IGSF10: variants seen among roughly 807,000 people sequenced by gnomAD.
IGSF10 encodes calvaria mechanical force protein 608.
A neutral mutation model predicts 128.2 loss-of-function variants in IGSF10; 126 were observed. The ratio of observed to expected loss-of-function variants is 0.98; its 90% CI spans 0.85 to 1.14. The LOEUF is 1.14. Among genes scored for constraint, IGSF10 ranks in the 50% most tolerant of loss-of-function variants. The pLI, the probability that IGSF10 is intolerant of heterozygous loss-of-function variation, is 0.00. For missense variants in IGSF10, 3,295 were observed against 3,149.8 expected (o/e 1.05, Z -1.10); for synonymous variants, 1,185 against 1,146.2 (o/e 1.03, Z -0.68).
the IGSF10 span, among the ~76,000 whole-genome samples, chr3:151,590,104 T>G: frequency 6.6e-6 from 1 of 152,090 alleles, no homozygotes; most frequent in African/African-American, 2.4e-5. Flanking sequence ...AGTGGTGCAG[T>G]CATGGCTCAC....
At position 151,448,753 on chromosome 3, in the gene IGSF10, TA is replaced by T. The variant is rs1291277869; in HGVS notation, c.1227del (p.Lys410SerfsTer9). The T allele has an allele frequency of 3.1e-6, 5 of 1,613,724 alleles. No homozygotes were observed. The highest frequency in any genetic ancestry group is 4.2e-6 in the Non-Finnish European group (5 of 1,179,610). ...ATGTTGGTAAAAATGTCTTCAGGCT[TA>T]GGAGCCACCTGTTTATATTTGTAAT... ...QLYYKYKQVA[P>X]KPEDIFTNIE... On this transcript the variant is annotated frameshift_variant, in exon 6 of 8. Transcript: ENST00000282466. LOFTEE classifies it high-confidence loss of function.
the IGSF10 span, among the ~76,000 whole-genome samples, chr3:151,486,983 T>A: frequency 6.6e-6 from 1 of 150,532 alleles, no homozygotes; most frequent in Non-Finnish European, 1.5e-5. Context: ...ATAACTAAGA[T>A]CCGAGCAGAA....
At chr3:151,432,728 G>A, downstream of IGSF10, 1 of 1,597,624 alleles carries the variant, frequency 6.3e-7, no homozygotes, top group Non-Finnish European at 8.6e-7. Flanking sequence ...CTGTAATTTT[G>A]GTTCAATTTA....
rs1553828031 is a variant in IGSF10, at chr3:151,437,372, T to TAA, written c.7187_7188dup (p.Ile2397LeufsTer28). ...TCCTCCCGAGTTGTTTTAGAAATGATAAAAGAACCATTGCTTGCTATCAGA... is the reference window on the plus strand; with the variant it reads ...TCCTCCCGAGTTGTTTTAGAAATGATAAAAAAGAACCATTGCTTGCTATCAGA... On this transcript the variant is annotated frameshift_variant, in exon 8 of 8. Transcript: ENST00000282466. LOFTEE classifies it low-confidence loss of function (END_TRUNC). 6.2e-7 allele frequency: 1 copy of TAA among 1,614,198 alleles called. No individual in the cohort carries two copies. The highest frequency in any genetic ancestry group is 2.2e-5 in the East Asian group (1 of 44,874).
intron 5 of IGSF10, among the ~76,000 whole-genome samples, chr3:151,451,752 T>C (rs1445273383): frequency 6.6e-6 from 1 of 152,218 alleles, no homozygotes; most frequent in East Asian, 1.9e-4. Context: ...GCCTTTAAAA[T>C]GTTTCAATTA....
At chr3:151,548,167 T>G in the IGSF10 span, among the ~76,000 whole-genome samples, 1 of 152,204 alleles carries the variant, frequency 6.6e-6, no homozygotes, top group Admixed American at 6.5e-5. Context: ...GCCTTGTTCA[T>G]GGGGACACTT....
the IGSF10 span, among the ~76,000 whole-genome samples, chr3:151,513,144 T>C: frequency 6.6e-6 from 1 of 152,056 alleles, no homozygotes; most frequent in African/African-American, 2.4e-5. Context: ...TACCAAAGCC[T>C]GGCAGAGACA....
At chr3:151,444,784 G>A (rs1177462102) in intron 6 of IGSF10, 135 bp downstream of exon 6, 7 of 737,962 alleles carry the variant, frequency 9.5e-6, no homozygotes, top group Non-Finnish European at 1.5e-5. Context: ...AGTGTCAAAT[G>A]AGGATATTAA....
chr3:151,594,650 A>C, the IGSF10 span, among the ~76,000 whole-genome samples: 2 of 148,108 alleles, frequency 1.4e-5, no homozygotes, highest in Non-Finnish European at 3.0e-5. Flanking sequence ...ATCAACTCTT[A>C]GAATGTATGA....
chr3:151,615,286 C>A, the IGSF10 span, among the ~76,000 whole-genome samples: 4 of 151,950 alleles, frequency 2.6e-5, no homozygotes, highest in Admixed American at 2.0e-4. Context: ...TGTTTTTTCA[C>A]CTTTAATGTC....
the IGSF10 span, among the ~76,000 whole-genome samples, chr3:151,547,014 A>AC: frequency 0.2 from 22,228 of 110,300 alleles, 1,877 homozygotes; most frequent in Middle Eastern, 0.28. Context: ...CCGGCGATCC[A>AC]CCCCCCCCTT....
At chr3:151,454,013 CTTTTTCTTTTTTTTTT>C in intron 4 of IGSF10, among the ~76,000 whole-genome samples, 1 of 120,280 alleles carries the variant, frequency 8.3e-6, no homozygotes, top group Non-Finnish European at 1.6e-5. Flanking sequence ...TTCTTTTTTT[CTTTTTCTTTTTTTTTT>C]TTTTTTGAGA....
chr3:151,446,515 G>A lies in IGSF10; in HGVS notation c.3466C>T (p.His1156Tyr), dbSNP rs1201556789. 3.7e-6 allele frequency: 6 copies of A among 1,614,076 alleles called. No homozygotes were observed. Among genetic ancestry groups the A allele is most frequent in the Admixed American group, 1.7e-5 (1 of 60,010 alleles). Residue 1156 changes from histidine (H) to tyrosine (Y), a missense_variant, in exon 6 of 8, where the codon CAC becomes TAC. By Grantham distance (83) the His-to-Tyr change is moderately conservative. Transcript: ENST00000282466. ...APTSIPMEKT[H>Y]KVNASYPRVS... ...CGTGGGTAACTGGCGTTTACTTTGT[G>A]AGTTTTTTCCATGGGTATGGATGTT...
the IGSF10 span, among the ~76,000 whole-genome samples, chr3:151,554,773 C>T: frequency 6.6e-6 from 1 of 152,232 alleles, no homozygotes; most frequent in Non-Finnish European, 1.5e-5. Context: ...TATACAAAGC[C>T]TAAAGAATGC....
At chr3:151,611,501 A>G in the IGSF10 span, among the ~76,000 whole-genome samples, 1 of 152,214 alleles carries the variant, frequency 6.6e-6, no homozygotes, top group Admixed American at 6.5e-5. Context: ...AGTAGAGGCA[A>G]AGGGGAGAAA....
chr3:151,456,870 C>T (rs542163625), intron 4 of IGSF10, among the ~76,000 whole-genome samples, 156 bp downstream of exon 4: 1 of 152,224 alleles, frequency 6.6e-6, no homozygotes, highest in Admixed American at 6.5e-5. Context: ...CACACAGTTC[C>T]ACAGTTAAAA....
At chr3:151,613,625 T>G in the IGSF10 span, among the ~76,000 whole-genome samples, 99 of 152,206 alleles carry the variant, frequency 6.5e-4, no homozygotes, top group African/African-American at 2.0e-3. Context: ...TAGCCATATG[T>G]AGAAAGCTGA....
In IGSF10 at chr3:151,438,316, T is replaced by C. The variant is rs145634427; in HGVS notation, c.6245A>G (p.Asn2082Ser). The change falls in exon 8 of 8, where the codon AAT (asparagine) becomes AGT (serine). Residue 2082 changes from asparagine to serine, a missense_variant. Coordinates refer to ENST00000282466, the MANE Select transcript of IGSF10 (RefSeq NM_178822.5). ...GCCACTGTCATCGGCTTGCATTGCA[T>C]TGTTGATCATGGTTCCATCAGGCAA... ...WSLPDGTMIN[N>S]AMQADDSGHR... is the part of the protein sequence containing the mutation. 396 of 1,614,154 alleles carry C rather than the reference T, an allele frequency of 2.5e-4. 1 individual carries two copies. The African/African-American group carries it at 4.6e-3, about 19-fold the overall frequency.
chr3:151,464,230 G>C (rs1203078603), upstream of IGSF10, among the ~76,000 whole-genome samples: 1 of 152,034 alleles, frequency 6.6e-6, no homozygotes, highest in Non-Finnish European at 1.5e-5. Flanking sequence ...TCTCACTATA[G>C]TTTTACCTAA....
Sources: allele counts gnomAD v4.1 joint callset (sites outside exome capture counted in the v4.1 genomes callset), GRCh38; gene constraint gnomAD v4.1.1; transcripts MANE v1.5; gene names NCBI Gene and HGNC (gene_info 2026-07-23, HGNC 2026-07-21).